The following C12orf50 variants were observed in gnomAD, a reference collection of about 807,000 sequenced individuals.
The protein encoded by C12orf50 is uncharacterized protein C12orf50.
C12orf50 carries 35 observed loss-of-function variants against 61.6 expected under a neutral mutation model. The observed-to-expected ratio is 0.57, with a 90% confidence interval of 0.43 to 0.75. C12orf50 has a LOEUF of 0.75. Among genes scored for constraint, C12orf50 ranks in the 30% least tolerant of loss-of-function variants. The pLI, the probability that C12orf50 is intolerant of heterozygous loss-of-function variation, is 0.00. For synonymous variants in C12orf50, 178 were observed against 161.5 expected (o/e 1.10, Z -0.77); for missense variants, 475 against 488.5 (o/e 0.97, Z 0.26).
intron 12 of C12orf50, among the ~76,000 whole-genome samples, chr12:87,982,339 A>G (rs1056169496): frequency 1.8e-4 from 27 of 152,106 alleles, no homozygotes; most frequent in African/African-American, 4.8e-4. Flanking sequence ...AGATGGGGGG[A>G]AAATGGAAAA....
intron 6 of C12orf50, among the ~76,000 whole-genome samples, chr12:87,995,945 A>G (rs372568879): frequency 6.6e-6 from 1 of 152,348 alleles, no homozygotes. Context: ...AGTCTGGTCC[A>G]CAGAAGACTT....
At chr12:87,987,812 A>G (rs2030903203) in intron 9 of C12orf50, 38 bp downstream of exon 9, 1 of 1,315,016 alleles carries the variant, frequency 7.6e-7, no homozygotes, top group Non-Finnish European at 1.1e-6. Context: ...TAAGACAAAT[A>G]TATCTGAGGC....
At chr12:88,024,117 G>A (rs2032617533) in intron 3 of C12orf50, among the ~76,000 whole-genome samples, 1 of 152,048 alleles carries the variant, frequency 6.6e-6, no homozygotes, top group Non-Finnish European at 1.5e-5. Flanking sequence ...TTATTAAAAA[G>A]TCAAAAAATA....
chr12:87,983,385 T>C (rs1266227305), intron 11 of C12orf50, 190 bp from the exon 12 acceptor site: 22 of 365,196 alleles, frequency 6.0e-5, no homozygotes, highest in Non-Finnish European at 1.0e-4. Flanking sequence ...AGCATGTTTT[T>C]TTTTGTTTTT....
At chr12:87,990,886 G>A (rs904987152) in intron 7 of C12orf50, among the ~76,000 whole-genome samples, 3 of 152,108 alleles carry the variant, frequency 2.0e-5, no homozygotes, top group Non-Finnish European at 1.5e-5. Flanking sequence ...CAGGTACAGT[G>A]TGGAACCCTA....
chr12:88,019,188 T>A (rs2032422083), intron 3 of C12orf50, among the ~76,000 whole-genome samples: 1 of 149,794 alleles, frequency 6.7e-6, no homozygotes, highest in African/African-American at 2.6e-5. Context: ...GGTAATTGAA[T>A]CATGGGGCAG....
chr12:88,024,424 T>C (rs2136501095), intron 3 of C12orf50, among the ~76,000 whole-genome samples: 2 of 152,324 alleles, frequency 1.3e-5, no homozygotes, highest in African/African-American at 4.8e-5. Flanking sequence ...GTGGTATATA[T>C]ATGCCATGGA....
chr12:88,025,211 G>T (rs2032657187), intron 3 of C12orf50, among the ~76,000 whole-genome samples: 2 of 152,178 alleles, frequency 1.3e-5, no homozygotes. Context: ...TCTTAGAGTA[G>T]ACAAGAGAAG....
intron 3 of C12orf50, among the ~76,000 whole-genome samples, chr12:88,011,891 C>A (rs559020280): frequency 1.3e-5 from 2 of 152,210 alleles, no homozygotes; most frequent in East Asian, 3.9e-4. Context: ...GGGTTTCTCT[C>A]CTTAAAACCG....
At chr12:87,982,079 G>A (rs2030508308) in intron 12 of C12orf50, among the ~76,000 whole-genome samples, 1 of 152,072 alleles carries the variant, frequency 6.6e-6, no homozygotes, top group Non-Finnish European at 1.5e-5. Context: ...CATTAAGACA[G>A]GGATAAGGGA....
intron 3 of C12orf50, 105 bp downstream of exon 3, chr12:88,026,383 T>G (rs2032707636): frequency 3.8e-6 from 5 of 1,303,446 alleles, no homozygotes. Context: ...GCTATTAAAT[T>G]GCATTGCTCA....
At chr12:87,982,848 C>G (rs1228370479) in intron 12 of C12orf50, among the ~76,000 whole-genome samples, 1 of 150,420 alleles carries the variant, frequency 6.6e-6, no homozygotes, top group Non-Finnish European at 1.5e-5. Flanking sequence ...GCTGCAATTA[C>G]TGTTTATTGT....
intron 3 of C12orf50, among the ~76,000 whole-genome samples, chr12:88,013,362 C>T (rs376938690): frequency 1.9e-4 from 29 of 152,110 alleles, no homozygotes; most frequent in African/African-American, 5.1e-4. Context: ...GATTCCTATA[C>T]GTACTAAATT....
rs969199689 is a variant in C12orf50 at position 87,983,192 on chromosome 12, T to C, written c.1130A>G (p.Lys377Arg). 3 of 1,581,748 alleles carry C rather than the reference T, an allele frequency of 1.9e-6. No homozygotes were observed. The African/African-American group carries it at 4.1e-5, about 22-fold the overall frequency. ...REPKPNLSPDKYTSTSYNDSA... is the reference protein window; with the variant it reads ...REPKPNLSPDRYTSTSYNDSA... ...ATCATTATATGATGTTGACGTATATTTGTCTGAGGGAAAAAAATCCAGAAT... is the reference window on the plus strand; with the variant it reads ...ATCATTATATGATGTTGACGTATATCTGTCTGAGGGAAAAAAATCCAGAAT... The change falls in exon 12 of 13, where the codon AAA becomes AGA. Residue 377 changes from lysine to arginine, a missense_variant. Lys to Arg is a conservative substitution (Grantham distance 26). Coordinates refer to ENST00000298699, the MANE Select transcript of C12orf50 (RefSeq NM_152589.3).
At chr12:88,022,074 A>G (rs913359191) in intron 3 of C12orf50, among the ~76,000 whole-genome samples, 1 of 152,014 alleles carries the variant, frequency 6.6e-6, no homozygotes, top group Non-Finnish European at 1.5e-5. Flanking sequence ...TTCTCAGTGA[A>G]CACAGATGTC....
chr12:88,005,610 ACT>A (rs1386519793), intron 3 of C12orf50, among the ~76,000 whole-genome samples: 1 of 151,854 alleles, frequency 6.6e-6, no homozygotes, highest in African/African-American at 2.4e-5. Context: ...TCCCAAAAGA[ACT>A]CTTTTTATTT....
chr12:87,992,429 A>G (rs1305086930), intron 7 of C12orf50, among the ~76,000 whole-genome samples: 1 of 152,048 alleles, frequency 6.6e-6, no homozygotes. Context: ...ATACATAGAG[A>G]GAGAAATGCC....
intron 3 of C12orf50, among the ~76,000 whole-genome samples, chr12:88,006,048 T>C (rs370621438): frequency 6.6e-6 from 1 of 151,440 alleles, no homozygotes; most frequent in Non-Finnish European, 1.5e-5. Flanking sequence ...TCCCTAGTAG[T>C]TGGGACTACA....
intron 3 of C12orf50, among the ~76,000 whole-genome samples, chr12:88,015,353 C>T (rs767498487): frequency 3.3e-5 from 5 of 152,146 alleles, no homozygotes; most frequent in Non-Finnish European, 7.4e-5. Flanking sequence ...AACACAGAGG[C>T]TAGACATTCT....
Sources: allele counts gnomAD v4.1 joint callset (sites outside exome capture counted in the v4.1 genomes callset), GRCh38; gene constraint gnomAD v4.1.1; transcripts MANE v1.5; gene names NCBI Gene and HGNC (gene_info 2026-07-23, HGNC 2026-07-21).